TNKS: variants seen among roughly 807,000 people sequenced by gnomAD.
The protein encoded by TNKS is poly [ADP-ribose] polymerase tankyrase-1.
Under a neutral mutation model 135.8 loss-of-function variants are expected in TNKS, and 72 were observed. The ratio of observed to expected loss-of-function variants is 0.53; its 90% CI spans 0.44 to 0.64. The LOEUF (loss-of-function observed/expected upper bound fraction) is 0.64. Among genes scored for constraint, TNKS ranks in the 30% least tolerant of loss-of-function variants. The probability of loss-of-function intolerance (pLI) is 0.00; values close to 1 mark genes in which losing one functional copy is unlikely to be tolerated. For missense variants in TNKS, 1,769 were observed against 1,674.0 expected (o/e 1.06, Z -0.99); for synonymous variants, 849 against 649.3 (o/e 1.31, Z -4.68).
rs1808329427 is a variant in TNKS at position 9,778,535 on chromosome 8, A to C, written c.*1799A>C. 1 of 152,676 alleles carries C rather than the reference A, an allele frequency of 6.5e-6. No homozygotes were observed. Among genetic ancestry groups the C allele is most frequent in the African/African-American group, 2.4e-5 (1 of 41,470 alleles). 9.5% of individuals were successfully genotyped at this position (152,676 alleles called of 1,614,324 possible). A position where few individuals can be genotyped will look rare whatever the true frequency, so the allele number is the denominator to read the frequency against. On this transcript the variant is annotated 3_prime_UTR_variant, in exon 27 of 27. Transcript: ENST00000310430. ...TGTAGCTGAATTTTTATGGGTCCTC[A>C]AAATTAAATCGAGAATTAGCCTCAG...
chr8:9,619,769 A>G (rs1307297731), intron 3 of TNKS, among the ~76,000 whole-genome samples: 3 of 149,706 alleles, frequency 2.0e-5, no homozygotes. Flanking sequence ...AGTCAGCAAA[A>G]TGTATCCGAA....
At chr8:9,771,404 AAGG>A (rs1344876005) in intron 26 of TNKS, among the ~76,000 whole-genome samples, 1 of 80,522 alleles carries the variant, frequency 1.2e-5, no homozygotes, top group Admixed American at 1.2e-4. Context: ...GAGGGAAAGA[AAGG>A]GAGACAGATA....
At chr8:9,662,815 T>G (rs1406262447) in intron 3 of TNKS, among the ~76,000 whole-genome samples, 3 of 152,224 alleles carry the variant, frequency 2.0e-5, no homozygotes, top group Non-Finnish European at 2.9e-5. Context: ...GAGGCATCAT[T>G]CACTGTTGTT....
At chr8:9,564,900 C>A (rs757175631) in intron 1 of TNKS, among the ~76,000 whole-genome samples, 1 of 151,952 alleles carries the variant, frequency 6.6e-6, no homozygotes, top group Non-Finnish European at 1.5e-5. Flanking sequence ...AATGGACTTT[C>A]AGTTTCTTGG....
At chr8:9,704,938 A>C (rs1488501455) in intron 6 of TNKS, among the ~76,000 whole-genome samples, 181 bp downstream of exon 6, 3 of 152,214 alleles carry the variant, frequency 2.0e-5, no homozygotes, top group Admixed American at 2.0e-4. Flanking sequence ...GATACTTCTC[A>C]TAATAATTTC....
At chr8:9,773,720 G>GA (rs1308289119) in intron 26 of TNKS, among the ~76,000 whole-genome samples, 9 of 143,262 alleles carry the variant, frequency 6.3e-5, no homozygotes, top group Non-Finnish European at 1.2e-4. Flanking sequence ...AAACTTATTT[G>GA]AAAGAAAAAA....
At position 9,580,501 on chromosome 8, in the gene TNKS, C is replaced by G. The variant is rs200066718; in HGVS notation, c.898+118C>G. Reference sequence around the variant, plus strand: ...AAGGGTTTATTGCTTCTTGTAGAAGCAGTTCTTTTCCATCAAAAGGTAAAC... The same window carrying G: ...AAGGGTTTATTGCTTCTTGTAGAAGGAGTTCTTTTCCATCAAAAGGTAAAC... On this transcript the variant is annotated intron_variant, in intron 2 of 26. Transcript: ENST00000310430. 10 of 864,906 alleles carry G rather than the reference C, an allele frequency of 1.2e-5. No individual in the cohort carries two copies. The East Asian group carries it at 2.7e-4, about 23-fold the overall frequency. 53.6% of individuals were successfully genotyped at this position (864,906 alleles called of 1,614,324 possible). A position where few individuals can be genotyped will look rare whatever the true frequency, so the allele number is the denominator to read the frequency against.
rs144971874 is a variant in TNKS at position 9,711,768 on chromosome 8, A to G, written c.1749+1548A>G. 8.5e-3 allele frequency among the ~76,000 whole-genome samples: 1,300 copies of G among 152,320 alleles called. 15 individuals are homozygous for G. Among genetic ancestry groups the G allele is most frequent in the African/African-American group, 0.029 (1,226 of 41,570 alleles). ...AACTGCTTTTTTAAAAGAAACTTTAAAAAATGAAGAGAACGTTTTGAACAT... is the reference window on the plus strand; with the variant it reads ...AACTGCTTTTTTAAAAGAAACTTTAGAAAATGAAGAGAACGTTTTGAACAT... On this transcript the variant is annotated intron_variant, in intron 11 of 26. Coordinates refer to ENST00000310430, the MANE Select transcript of TNKS (RefSeq NM_003747.3).
intron 3 of TNKS, among the ~76,000 whole-genome samples, chr8:9,651,042 A>G (rs1801129851): frequency 9.5e-5 from 1 of 10,574 alleles, no homozygotes; most frequent in South Asian, 0.014. Flanking sequence ...GTGCCTTGCC[A>G]ATTATACCAA....
At position 9,637,284 on chromosome 8, in the gene TNKS, T is replaced by C. The variant is rs76209687; in HGVS notation, c.994+21607T>C. Among the ~76,000 whole-genome samples, 601 of 152,332 alleles carry C rather than the reference T, an allele frequency of 3.9e-3. 8 individuals are homozygous for C. The highest frequency in any genetic ancestry group is 0.014 in the African/African-American group (573 of 41,574). On this transcript the variant is annotated intron_variant, in intron 3 of 26. Coordinates refer to ENST00000310430, the MANE Select transcript of TNKS (RefSeq NM_003747.3). ...TTGTTATTGCCTGTGAGTATCATGT[T>C]GTTTTTCTTTCTGACGATACAGACT...
intron 5 of TNKS, among the ~76,000 whole-genome samples, chr8:9,690,895 A>G (rs1224434536): frequency 1.3e-5 from 2 of 152,166 alleles, no homozygotes; most frequent in Non-Finnish European, 2.9e-5. Context: ...TAATCTATCT[A>G]GGATTCATAG....
chr8:9,771,448 AG>A (rs1247638866), intron 26 of TNKS, among the ~76,000 whole-genome samples: 1 of 81,808 alleles, frequency 1.2e-5, no homozygotes, highest in Non-Finnish European at 2.7e-5. Context: ...GGAAAGGAAA[AG>A]AGAGAGAAGA....
At chr8:9,675,584 T>G (rs1802498394) in intron 3 of TNKS, among the ~76,000 whole-genome samples, 1 of 152,234 alleles carries the variant, frequency 6.6e-6, no homozygotes, top group African/African-American at 2.4e-5. Flanking sequence ...ATCTGTAAAT[T>G]TAAATGCTTT....
At chr8:9,642,079 A>G (rs1446680552) in intron 3 of TNKS, among the ~76,000 whole-genome samples, 2 of 146,094 alleles carry the variant, frequency 1.4e-5, no homozygotes, top group African/African-American at 5.1e-5. Flanking sequence ...GTTTATCAAG[A>G]TGAGAAAACT....
intron 3 of TNKS, among the ~76,000 whole-genome samples, chr8:9,666,682 T>C (rs908806648): frequency 6.6e-6 from 1 of 151,506 alleles, no homozygotes; most frequent in East Asian, 1.9e-4. Context: ...GATGGTTGCA[T>C]TGCGCTCCAG....
chr8:9,706,289 T>C, intron 7 of TNKS, 36 bp downstream of exon 7: 2 of 733,786 alleles, frequency 2.7e-6, no homozygotes. Context: ...ATCATTTACT[T>C]TTTTTTTTTT....
At chr8:9,623,277 G>A (rs1799932546) in intron 3 of TNKS, among the ~76,000 whole-genome samples, 1 of 152,132 alleles carries the variant, frequency 6.6e-6, no homozygotes, top group South Asian at 2.1e-4. Flanking sequence ...TATTTAAGGT[G>A]TTTGATCTAT....
chr8:9,607,425 ATTC>A (rs894383404), intron 2 of TNKS, among the ~76,000 whole-genome samples: 1 of 152,218 alleles, frequency 6.6e-6, no homozygotes, highest in Non-Finnish European at 1.5e-5. Flanking sequence ...AATTGTGGAT[ATTC>A]TTCTTTGATT....
intron 3 of TNKS, among the ~76,000 whole-genome samples, chr8:9,643,635 G>T (rs1044083962): frequency 6.6e-6 from 1 of 152,108 alleles, no homozygotes; most frequent in Non-Finnish European, 1.5e-5. Flanking sequence ...TATTGGCAAG[G>T]ATGAGGTGAA....
Sources: gnomAD v4.1 joint callset for allele counts (sites outside exome capture counted in the v4.1 genomes callset) on GRCh38, gnomAD v4.1.1 for gene constraint, MANE v1.5 for transcripts, NCBI Gene and HGNC (gene_info 2026-07-23, HGNC 2026-07-21) for gene names.